The following GAS2 variants were observed in gnomAD, a reference collection of about 807,000 sequenced individuals.
The protein encoded by GAS2 is growth arrest specific 2.
A neutral mutation model predicts 37.5 loss-of-function variants in GAS2; 20 were observed. The observed-to-expected ratio is 0.53, with a 90% CI of 0.37 to 0.77. The LOEUF (loss-of-function observed/expected upper bound fraction) is 0.77. Ranked by LOEUF, GAS2 falls within the 30% of genes least tolerant of loss-of-function variation. The pLI, the probability that GAS2 is intolerant of heterozygous loss-of-function variation, is 0.00. For synonymous variants in GAS2, 144 were observed against 132.2 expected (o/e 1.09, Z -0.61); for missense variants, 336 against 373.4 (o/e 0.90, Z 0.82).
At chr11:22,639,785 T>G (rs989580662) in intron 1 of GAS2, among the ~76,000 whole-genome samples, 7 of 152,178 alleles carry the variant, frequency 4.6e-5, no homozygotes, top group Non-Finnish European at 8.8e-5. Flanking sequence ...CATAATAGAC[T>G]GTAACTAGAT....
chr11:22,809,681 A>G (rs1201703053), intron 7 of GAS2, among the ~76,000 whole-genome samples: 1 of 146,524 alleles, frequency 6.8e-6, no homozygotes, highest in African/African-American at 2.5e-5. Flanking sequence ...TTCAGTAGAG[A>G]TGGGGTTTCA....
At chr11:22,639,607 G>C (rs1353749517) in intron 1 of GAS2, among the ~76,000 whole-genome samples, 1 of 152,096 alleles carries the variant, frequency 6.6e-6, no homozygotes, top group Non-Finnish European at 1.5e-5. Context: ...CTTTATGCAT[G>C]TAAAATCTGA....
chr11:22,746,232 G>T (rs758368161), intron 5 of GAS2, among the ~76,000 whole-genome samples: 3 of 152,056 alleles, frequency 2.0e-5, no homozygotes, highest in Non-Finnish European at 4.4e-5. Context: ...TGGTGAAGCT[G>T]CTGAGACAAG....
intron 1 of GAS2, among the ~76,000 whole-genome samples, chr11:22,637,076 A>G (rs1337960636): frequency 7.6e-6 from 1 of 132,416 alleles, no homozygotes; most frequent in East Asian, 2.2e-4. Context: ...TTAATATTAT[A>G]TTAATATAAT....
At chr11:22,769,957 T>C (rs192570777) in intron 7 of GAS2, among the ~76,000 whole-genome samples, 37 of 152,302 alleles carry the variant, frequency 2.4e-4, no homozygotes, top group Admixed American at 5.2e-4. Context: ...CATGGAATAT[T>C]ATGCAGCCAG....
At chr11:22,811,090 T>C (rs1349120679) in intron 7 of GAS2, among the ~76,000 whole-genome samples, 2 of 152,208 alleles carry the variant, frequency 1.3e-5, no homozygotes, top group Non-Finnish European at 2.9e-5. Flanking sequence ...TGATATATTT[T>C]ACTAGATACA....
intron 3 of GAS2, among the ~76,000 whole-genome samples, chr11:22,708,516 C>T (rs903117092): frequency 6.6e-6 from 1 of 152,020 alleles, no homozygotes; most frequent in Non-Finnish European, 1.5e-5. Context: ...AGTTAATATG[C>T]CTCATGTCAA....
chr11:22,643,608 A>G (rs945432599), intron 1 of GAS2, among the ~76,000 whole-genome samples: 9 of 152,130 alleles, frequency 5.9e-5, no homozygotes, highest in African/African-American at 2.2e-4. Flanking sequence ...AGAACTTACT[A>G]AGCAGATATT....
chr11:22,703,769 G>A (rs532558755), intron 3 of GAS2, among the ~76,000 whole-genome samples: 1 of 152,190 alleles, frequency 6.6e-6, no homozygotes, highest in Non-Finnish European at 1.5e-5. Flanking sequence ...AGGGGCTGAC[G>A]ACATGAATGG....
At chr11:22,709,134 C>CA (rs1851271440) in intron 3 of GAS2, among the ~76,000 whole-genome samples, 1 of 151,426 alleles carries the variant, frequency 6.6e-6, no homozygotes, top group Middle Eastern at 3.2e-3. Context: ...GAGAAAAACT[C>CA]AATCAAATTT....
chr11:22,671,251 A>C (rs1296334497), intron 1 of GAS2, among the ~76,000 whole-genome samples: 1 of 152,064 alleles, frequency 6.6e-6, no homozygotes, highest in East Asian at 1.9e-4. Flanking sequence ...TGAAGGATTT[A>C]GTATTAAGTT....
chr11:22,748,935 A>G (rs1460591337), intron 5 of GAS2, among the ~76,000 whole-genome samples, 185 bp from the exon 6 acceptor site: 2 of 152,098 alleles, frequency 1.3e-5, no homozygotes, highest in African/African-American at 4.8e-5. Flanking sequence ...CAGCAGGTAT[A>G]CATGTTTTGC....
intron 7 of GAS2, among the ~76,000 whole-genome samples, chr11:22,798,846 C>T (rs1337175266): frequency 6.6e-6 from 1 of 152,046 alleles, no homozygotes; most frequent in African/African-American, 2.4e-5. Flanking sequence ...CTGTCTCACT[C>T]CTCCATGTGT....
At chr11:22,692,521 A>T (rs554904636) in intron 3 of GAS2, among the ~76,000 whole-genome samples, 1 of 152,192 alleles carries the variant, frequency 6.6e-6, no homozygotes, top group East Asian at 1.9e-4. Flanking sequence ...AGGCAGGAAG[A>T]CACGAAGTAG....
chr11:22,758,955 T>C (rs551171588), intron 7 of GAS2, among the ~76,000 whole-genome samples: 207 of 147,444 alleles, frequency 1.4e-3, no homozygotes, highest in African/African-American at 4.8e-3. Flanking sequence ...AAGATTCTTT[T>C]GATAAGCCTG....
At chr11:22,684,347 C>T in intron 2 of GAS2, among the ~76,000 whole-genome samples, 1 of 152,092 alleles carries the variant, frequency 6.6e-6, no homozygotes, top group East Asian at 1.9e-4. Context: ...TAGCAGTGAG[C>T]ATGGTATGTA....
intron 1 of GAS2, among the ~76,000 whole-genome samples, chr11:22,657,569 A>G (rs1848870472): frequency 6.6e-6 from 1 of 152,186 alleles, no homozygotes; most frequent in Non-Finnish European, 1.5e-5. Context: ...ACATGCACAC[A>G]CACAGGAAGT....
At chr11:22,794,164 T>C (rs1215130820) in intron 7 of GAS2, among the ~76,000 whole-genome samples, 1 of 152,034 alleles carries the variant, frequency 6.6e-6, no homozygotes, top group East Asian at 1.9e-4. Context: ...TTTGGAAATA[T>C]TTCTGTCTTC....
chr11:22,782,327 G>A (rs905774851), intron 7 of GAS2, among the ~76,000 whole-genome samples: 25 of 152,224 alleles, frequency 1.6e-4, no homozygotes, highest in African/African-American at 5.1e-4. Flanking sequence ...TTTTTCTTTC[G>A]AAACCAGAAG....
Sources: allele counts gnomAD v4.1 joint callset (sites outside exome capture counted in the v4.1 genomes callset), GRCh38; gene constraint gnomAD v4.1.1; transcripts MANE v1.5; gene names NCBI Gene and HGNC (gene_info 2026-07-23, HGNC 2026-07-21).